Variants in ACTR3C observed in about 807,000 individuals in gnomAD.
ACTR3C encodes actin related protein 3C, also known as actin-related protein 3C.
A neutral mutation model predicts 26.3 loss-of-function variants in ACTR3C; 18 were observed. The ratio of observed to expected loss-of-function variants is 0.68; its 90% CI spans 0.47 to 1.01. ACTR3C has a LOEUF of 1.01. Ranked by LOEUF, ACTR3C falls within the 50% of genes least tolerant of loss-of-function variation. The pLI, the probability that ACTR3C is intolerant of heterozygous loss-of-function variation, is 0.00. For synonymous variants in ACTR3C, 55 were observed against 94.5 expected, an observed-to-expected ratio of 0.58 and a Z score of 2.42; for missense variants, 184 against 250.7, an observed-to-expected ratio of 0.73 and a Z score of 1.80.
chr7:150,020,975 C>T, the ACTR3C span, among the ~76,000 whole-genome samples: 14 of 152,082 alleles, frequency 9.2e-5, no homozygotes, highest in African/African-American at 3.4e-4. Context: ...CACCCGCCAC[C>T]GTGCATGGCT....
At chr7:150,287,245 G>GT (rs1835855467) in intron 4 of ACTR3C, among the ~76,000 whole-genome samples, 2 of 151,904 alleles carry the variant, frequency 1.3e-5, no homozygotes, top group Non-Finnish European at 2.9e-5. Context: ...CTCTAGCTGG[G>GT]AGTCAGAAAA....
chr7:150,251,447 G>A (rs117809092), intron 6 of ACTR3C, among the ~76,000 whole-genome samples: 6,786 of 151,990 alleles, frequency 0.045, 319 homozygotes, highest in East Asian at 0.12. Context: ...TAATAAAAAT[G>A]CTTTTACCCA....
chr7:150,043,079 T>C, the ACTR3C span, among the ~76,000 whole-genome samples: 1 of 151,634 alleles, frequency 6.6e-6, no homozygotes, highest in Non-Finnish European at 1.5e-5. Flanking sequence ...TTCTCTCACC[T>C]GCCTTCTGCC....
intron 4 of ACTR3C, 101 bp from the exon 5 acceptor site, chr7:150,286,641 G>A: frequency 2.7e-6 from 4 of 1,493,270 alleles, no homozygotes; most frequent in Non-Finnish European, 3.6e-6. Flanking sequence ...CACACCCTGG[G>A]ATCAGAACCG....
intron 1 of ACTR3C, among the ~76,000 whole-genome samples, chr7:150,300,353 A>G (rs1038038374): frequency 1.3e-5 from 2 of 152,190 alleles, no homozygotes; most frequent in African/African-American, 4.8e-5. Context: ...CTCCATCTCA[A>G]AAAAAACAAC....
At chr7:150,241,278 T>C (rs1832161384), downstream of ACTR3C, among the ~76,000 whole-genome samples, 1 of 152,112 alleles carries the variant, frequency 6.6e-6, no homozygotes, top group African/African-American at 2.4e-5. Flanking sequence ...ATAAAGGCCC[T>C]GTGGTATTGG....
chr7:150,104,932 C>T, the ACTR3C span, among the ~76,000 whole-genome samples: 2 of 151,932 alleles, frequency 1.3e-5, no homozygotes, highest in African/African-American at 4.8e-5. Context: ...CTCAGAATTA[C>T]CTTTTCTCAA....
chr7:149,888,961 T>C, the ACTR3C span, among the ~76,000 whole-genome samples: 3 of 151,250 alleles, frequency 2.0e-5, no homozygotes, highest in South Asian at 4.2e-4. Context: ...TGAGCTGAGA[T>C]CACGCCACTG....
At chr7:150,084,707 TGGA>T in the ACTR3C span, among the ~76,000 whole-genome samples, 3 of 152,230 alleles carry the variant, frequency 2.0e-5, no homozygotes, top group East Asian at 5.8e-4. Flanking sequence ...TGCACACCAT[TGGA>T]GGTCAGTAAG....
the ACTR3C span, among the ~76,000 whole-genome samples, chr7:149,941,133 A>G: frequency 6.6e-6 from 1 of 152,234 alleles, no homozygotes; most frequent in South Asian, 2.1e-4. Context: ...TACACAACCC[A>G]GCAACAGTGG....
chr7:150,149,079 G>GTGTATA, the ACTR3C span, among the ~76,000 whole-genome samples: 9 of 93,152 alleles, frequency 9.7e-5, 1 homozygote, highest in Non-Finnish European at 1.9e-4. Context: ...TAAAGTTTGA[G>GTGTATA]TATATATATA....
the ACTR3C span, among the ~76,000 whole-genome samples, chr7:150,168,291 C>T: frequency 1.3e-5 from 2 of 150,750 alleles, no homozygotes; most frequent in Admixed American, 6.6e-5. Flanking sequence ...TCAGCAGCGG[C>T]ATTAGATTCT....
At chr7:150,154,394 A>G in the ACTR3C span, among the ~76,000 whole-genome samples, 2 of 151,716 alleles carry the variant, frequency 1.3e-5, no homozygotes, top group African/African-American at 4.9e-5. Flanking sequence ...TTCCATTTAT[A>G]TTGTACTTTC....
At chr7:150,129,017 G>C in the ACTR3C span, among the ~76,000 whole-genome samples, 2 of 151,006 alleles carry the variant, frequency 1.3e-5, no homozygotes, top group Admixed American at 6.6e-5. Flanking sequence ...TATGGAGCAG[G>C]GTGTTGGAGA....
At chr7:150,313,561 T>G (rs1348127143) in intron 1 of ACTR3C, among the ~76,000 whole-genome samples, 1 of 152,220 alleles carries the variant, frequency 6.6e-6, no homozygotes, top group Non-Finnish European at 1.5e-5. Context: ...TAATTCCGGT[T>G]AGCTCTTCCT....
At chr7:150,087,385 G>T in the ACTR3C span, among the ~76,000 whole-genome samples, 2 of 152,174 alleles carry the variant, frequency 1.3e-5, no homozygotes, top group Admixed American at 1.3e-4. Flanking sequence ...ATAGAGTCAT[G>T]AGTAACCAGG....
the ACTR3C span, among the ~76,000 whole-genome samples, chr7:150,230,688 G>C: frequency 6.6e-6 from 1 of 152,138 alleles, no homozygotes; most frequent in Admixed American, 6.5e-5. Flanking sequence ...CCTGTGCAGG[G>C]AAAAATTATC....
the ACTR3C span, among the ~76,000 whole-genome samples, chr7:150,109,409 TA>T: frequency 2.6e-5 from 4 of 151,780 alleles, no homozygotes; most frequent in Admixed American, 2.0e-4. Flanking sequence ...GATATATAAG[TA>T]TTTTTTTTTA....
At chr7:150,137,847 A>G in the ACTR3C span, among the ~76,000 whole-genome samples, 1 of 152,232 alleles carries the variant, frequency 6.6e-6, no homozygotes, top group African/African-American at 2.4e-5. Flanking sequence ...GAGAAATTTC[A>G]TGTTACATTC....
Sources: allele counts gnomAD v4.1 joint callset (sites outside exome capture counted in the v4.1 genomes callset), GRCh38; gene constraint gnomAD v4.1.1; transcripts MANE v1.5; gene names NCBI Gene and HGNC (gene_info 2026-07-23, HGNC 2026-07-21).